The following PRKG1 variants were observed in gnomAD, a reference collection of about 807,000 sequenced individuals.
PRKG1 encodes the protein cGMP-dependent protein kinase 1.
PRKG1 carries 35 observed loss-of-function variants against 88.1 expected under a neutral mutation model. The ratio of observed to expected loss-of-function variants is 0.40; its 90% CI spans 0.30 to 0.53. The LOEUF (loss-of-function observed/expected upper bound fraction) is 0.53, where lower values mean the gene tolerates loss of function less well. Ranked by LOEUF, PRKG1 falls within the 20% of genes least tolerant of loss-of-function variation. The pLI, the probability that PRKG1 is intolerant of heterozygous loss-of-function variation, is 0.59. For missense variants in PRKG1, 540 were observed against 839.8 expected, an observed-to-expected ratio of 0.64 and a Z score of 4.41; for synonymous variants, 303 against 292.5, an observed-to-expected ratio of 1.04 and a Z score of -0.37.
chr10:51,010,828 A>G (rs1842985314), intron 1 of PRKG1, among the ~76,000 whole-genome samples: 1 of 152,252 alleles, frequency 6.6e-6, no homozygotes, highest in Admixed American at 6.5e-5. Flanking sequence ...TTAACAAAAT[A>G]AAGTACTCTC....
intron 2 of PRKG1, among the ~76,000 whole-genome samples, chr10:51,278,568 T>C (rs893608571): frequency 6.6e-6 from 1 of 152,204 alleles, no homozygotes; most frequent in African/African-American, 2.4e-5. Flanking sequence ...AATTCGGCTG[T>C]GAATCCATCT....
intron 9 of PRKG1, among the ~76,000 whole-genome samples, chr10:52,243,774 G>A (rs1564529827): frequency 6.6e-6 from 1 of 152,142 alleles, no homozygotes. Context: ...AGTCGTAGAA[G>A]AAAGGTGCTT....
intron 2 of PRKG1, among the ~76,000 whole-genome samples, chr10:51,381,984 C>T (rs1837118135): frequency 6.6e-6 from 1 of 152,122 alleles, no homozygotes; most frequent in African/African-American, 2.4e-5. Flanking sequence ...GGGATAAAAA[C>T]AGACTACCTA....
chr10:51,506,897 A>G lies in PRKG1; in HGVS notation c.592+39061A>G, dbSNP rs556390314. ...ATCACAATAGCAAAGACTTGGAACC[A>G]AGACAAATGTCCAACAATGATAGAC... On this transcript the variant is annotated intron_variant, in intron 3 of 17. Transcript: ENST00000373980. Among the ~76,000 whole-genome samples, 9 of 152,290 alleles carry G rather than the reference A, an allele frequency of 5.9e-5. No homozygotes were observed. In the South Asian group the frequency reaches 1.5e-3, roughly 25 times the overall value.
At chr10:51,721,754 A>ATGT (rs72094110) in intron 3 of PRKG1, among the ~76,000 whole-genome samples, 67,031 of 151,756 alleles carry the variant, frequency 0.44, 15,387 homozygotes, top group Middle Eastern at 0.57. Context: ...TTATATTTTC[A>ATGT]TGTTCCTGTG....
chr10:51,790,514 A>G (rs1027112259), intron 3 of PRKG1, among the ~76,000 whole-genome samples: 90 of 152,180 alleles, frequency 5.9e-4, no homozygotes, highest in African/African-American at 2.0e-3. Context: ...CCAAAGCCAC[A>G]TACTCCTGTA....
intron 4 of PRKG1, among the ~76,000 whole-genome samples, chr10:51,852,563 C>T (rs1204670039): frequency 1.3e-5 from 2 of 152,068 alleles, no homozygotes; most frequent in Non-Finnish European, 2.9e-5. Context: ...TGGTGAGTAC[C>T]TGAGCCAAAA....
At chr10:51,593,473 T>C (rs1405212972) in intron 3 of PRKG1, among the ~76,000 whole-genome samples, 3 of 152,172 alleles carry the variant, frequency 2.0e-5, no homozygotes, top group Non-Finnish European at 4.4e-5. Context: ...CTAATTAGTG[T>C]TGAGTGCATG....
chr10:51,426,656 C>T (rs578101599), intron 2 of PRKG1, among the ~76,000 whole-genome samples: 1 of 152,232 alleles, frequency 6.6e-6, no homozygotes, highest in South Asian at 2.1e-4. Flanking sequence ...ACCCTGAATT[C>T]ATTTCCATTT....
At chr10:51,968,264 A>G (rs578169134) in intron 5 of PRKG1, among the ~76,000 whole-genome samples, 1 of 152,184 alleles carries the variant, frequency 6.6e-6, no homozygotes, top group African/African-American at 2.4e-5. Context: ...GGCCAACTGT[A>G]AAGATTATTC....
intron 4 of PRKG1, among the ~76,000 whole-genome samples, chr10:51,898,650 C>T (rs1333787107): frequency 6.6e-6 from 1 of 152,046 alleles, no homozygotes; most frequent in Non-Finnish European, 1.5e-5. Flanking sequence ...GCCTGGGCAA[C>T]ATGGTGAGAC....
rs1406175366 is a variant in PRKG1 at position 52,062,941 on chromosome 10, G to A, written c.935+310G>A. 1.4e-5 allele frequency: 9 copies of A among 625,370 alleles called. No homozygotes were observed. In the East Asian group the frequency reaches 2.5e-4, roughly 17 times the overall value. 38.7% of individuals were successfully genotyped at this position (625,370 alleles called of 1,614,324 possible). ...AGAGGAATTCCCTGCTAAACTTTGTGCAATGATTTTACTCAGAATCATTAA... is the reference window on the plus strand; with the variant it reads ...AGAGGAATTCCCTGCTAAACTTTGTACAATGATTTTACTCAGAATCATTAA... On this transcript the variant is annotated intron_variant, in intron 7 of 17. Coordinates refer to ENST00000373980, the MANE Select transcript of PRKG1 (RefSeq NM_006258.4).
rs77523285 is a variant in PRKG1 at position 52,049,608 on chromosome 10, C to A, written c.763-4876C>A. Among the ~76,000 whole-genome samples the A allele has an allele frequency of 3.8e-3, 581 of 151,994 alleles. 17 individuals are homozygous for A. The highest frequency in any genetic ancestry group is 0.029 in the Admixed American group (441 of 15,252). ...GATGGTTTGGGGTATGATGAGTAGA[C>A]AAGTGACAGGGAGACCAGATAAGAA... On this transcript the variant is annotated intron_variant, in intron 5 of 17. Transcript: ENST00000373980.
At position 51,415,910 on chromosome 10, in the gene PRKG1, A is replaced by AGTGTGTGT. The variant is rs71459419; in HGVS notation, c.479-51786_479-51779dup. 4.1e-3 allele frequency among the ~76,000 whole-genome samples: 605 copies of AGTGTGTGT among 147,228 alleles called. 2 individuals are homozygous for AGTGTGTGT. The highest frequency in any genetic ancestry group is 0.013 in the African/African-American group (520 of 39,928). ...CCTAAACTGGCATGCTAGAGCTTCC[A>AGTGTGTGT]GTGTGTGTGTGTGTGTGTGTGTGTG... On this transcript the variant is annotated intron_variant, in intron 2 of 17. Transcript: ENST00000373980.
chr10:51,152,298 A>G (rs1301357271), intron 1 of PRKG1, among the ~76,000 whole-genome samples: 4 of 152,042 alleles, frequency 2.6e-5, no homozygotes, highest in Non-Finnish European at 5.9e-5. Flanking sequence ...TACCTAAAAC[A>G]TGTTGCACTT....
At chr10:52,275,531 T>C (rs1841851748) in intron 12 of PRKG1, among the ~76,000 whole-genome samples, 1 of 152,186 alleles carries the variant, frequency 6.6e-6, no homozygotes, top group Admixed American at 6.6e-5. Context: ...TTCTGTTCCA[T>C]TGGTCTATGT....
intron 1 of PRKG1, among the ~76,000 whole-genome samples, chr10:51,058,716 C>T (rs528373047): frequency 6.6e-6 from 1 of 152,092 alleles, no homozygotes; most frequent in Non-Finnish European, 1.5e-5. Context: ...TTGTTTATGA[C>T]ATTATTACCT....
intron 9 of PRKG1, among the ~76,000 whole-genome samples, chr10:52,195,253 C>T (rs546199007): frequency 6.6e-6 from 1 of 150,544 alleles, no homozygotes; most frequent in South Asian, 2.1e-4. Context: ...TTCTCTTTAG[C>T]TCGAATAATA....
intron 3 of PRKG1, among the ~76,000 whole-genome samples, chr10:51,766,307 T>A (rs1226405977): frequency 3.3e-5 from 5 of 152,182 alleles, no homozygotes; most frequent in African/African-American, 1.2e-4. Flanking sequence ...CACCCTGTCC[T>A]CCTAGTGCGC....
Sources: gnomAD v4.1 joint callset for allele counts (sites outside exome capture counted in the v4.1 genomes callset) on GRCh38, gnomAD v4.1.1 for gene constraint, MANE v1.5 for transcripts, NCBI Gene and HGNC (gene_info 2026-07-23, HGNC 2026-07-21) for gene names.